The following TFCP2L1 variants were observed in gnomAD, a reference collection of about 807,000 sequenced individuals.
The protein encoded by TFCP2L1 is transcription factor CP2 like 1, also known as transcription factor CP2-like protein 1.
TFCP2L1 carries 12 observed loss-of-function variants against 72.2 expected under a neutral mutation model. The observed-to-expected ratio is 0.17, with a 90% CI of 0.11 to 0.27. The LOEUF is 0.27. Ranked by LOEUF, TFCP2L1 falls within the 10% of genes least tolerant of loss-of-function variation. The pLI, the probability that TFCP2L1 is intolerant of heterozygous loss-of-function variation, is 1.00. For missense variants in TFCP2L1, 488 were observed against 624.6 expected, an observed-to-expected ratio of 0.78 and a Z score of 2.33; for synonymous variants, 260 against 251.0, an observed-to-expected ratio of 1.04 and a Z score of -0.34.
intron 6 of TFCP2L1, 61 bp from the exon 7 acceptor site, chr2:121,242,530 C>T: frequency 1.3e-6 from 2 of 1,529,194 alleles, no homozygotes; most frequent in Non-Finnish European, 1.8e-6. Flanking sequence ...GCCCCCAAGC[C>T]CTCTCCTGCT....
At chr2:121,264,530 G>A (rs1686890925) in intron 2 of TFCP2L1, among the ~76,000 whole-genome samples, 1 of 152,158 alleles carries the variant, frequency 6.6e-6, no homozygotes, top group Non-Finnish European at 1.5e-5. Flanking sequence ...GAATCAGGAG[G>A]GGAATGAGAG....
intron 11 of TFCP2L1, among the ~76,000 whole-genome samples, chr2:121,234,548 T>G (rs3768903): frequency 3.9e-5 from 6 of 152,044 alleles, no homozygotes; most frequent in African/African-American, 1.4e-4. Context: ...CATTCCACAG[T>G]TGAGCAAACT....
At chr2:121,239,022 C>T (rs1328271040) in intron 8 of TFCP2L1, among the ~76,000 whole-genome samples, 3 of 152,138 alleles carry the variant, frequency 2.0e-5, no homozygotes, top group African/African-American at 7.2e-5. Flanking sequence ...GCTGTGCAGC[C>T]CACAACACTC....
rs1357883946 is a variant in TFCP2L1 at position 121,284,939 on chromosome 2, G to A, written c.62+109C>T. The A allele has an allele frequency of 5.1e-6, 5 of 973,732 alleles. No individual in the cohort carries two copies. The African/African-American group carries it at 7.0e-5, about 14-fold the overall frequency. 60.3% of individuals were successfully genotyped at this position (973,732 alleles called of 1,614,324 possible). On this transcript the variant is annotated intron_variant, in intron 1 of 14. Transcript: ENST00000263707. ...TCTCAGTCCCCAGAGGGCGGACAGCGGGGAGGCCAGGGCCCAGCAGGGGCG... is the reference window on the plus strand; with the variant it reads ...TCTCAGTCCCCAGAGGGCGGACAGCAGGGAGGCCAGGGCCCAGCAGGGGCG...
Position 121,284,643 on chromosome 2 carries a change from G to A in TFCP2L1, c.62+405C>T, listed in dbSNP as rs531697286. ...CGGCGGAGACGGGCAAAGAGCAGGG[G>A]ACGAACTTCCCCGGGCCGGGCACCA... is the stretch of plus-strand genomic sequence containing the variant. On this transcript the variant is annotated intron_variant, in intron 1 of 14. Coordinates refer to ENST00000263707, the MANE Select transcript of TFCP2L1 (RefSeq NM_014553.3). Among the ~76,000 whole-genome samples, 704 of 152,344 alleles carry A rather than the reference G, an allele frequency of 4.6e-3. 3 individuals carry two copies. Among genetic ancestry groups the A allele is most frequent in the African/African-American group, 0.016 (657 of 41,588 alleles).
At position 121,285,024 on chromosome 2, in the gene TFCP2L1, GC is replaced by G; in HGVS notation, c.62+23del. On this transcript the variant is annotated intron_variant, in intron 1 of 14. Transcript: ENST00000263707. ...GGCCCGCCGGCCCGGCCCGAGACCCGCGGGGACCGCGCGCGGCCCTTACCGC... is the reference window on the plus strand; with the variant it reads ...GGCCCGCCGGCCCGGCCCGAGACCCGGGGGACCGCGCGCGGCCCTTACCGC... 6.1e-6 allele frequency: 9 copies of G among 1,474,418 alleles called. 1 individual carries two copies. In the Middle Eastern group the frequency reaches 1.7e-3, roughly 279 times the overall value. The allele number at this position is 1,474,418 out of a possible 1,614,324, so 91.3% of individuals were successfully genotyped here.
At chr2:121,238,548 A>G (rs1166352813) in intron 8 of TFCP2L1, among the ~76,000 whole-genome samples, 1 of 152,132 alleles carries the variant, frequency 6.6e-6, no homozygotes, top group Non-Finnish European at 1.5e-5. Context: ...TGTGTTATGT[A>G]TATTTCTCCA....
rs1685932322 is a variant in TFCP2L1 at position 121,221,697 on chromosome 2, T to C, written c.*2644A>G. On this transcript the variant is annotated 3_prime_UTR_variant, in exon 15 of 15. Transcript: ENST00000263707. ...ATCTTCTTGACCTTGGATTAGGCAA[T>C]GGTTTTCTAGATATGGCACCAAAAG... The C allele has an allele frequency of 6.6e-6, 1 of 152,146 alleles. No homozygotes were observed. Among genetic ancestry groups the C allele is most frequent in the Non-Finnish European group, 1.5e-5 (1 of 68,044 alleles). The allele number at this position is 152,146 out of a possible 1,614,324, so 9.4% of individuals were successfully genotyped here.
chr2:121,229,936 C>T (rs1430562922), intron 13 of TFCP2L1, among the ~76,000 whole-genome samples: 2 of 152,170 alleles, frequency 1.3e-5, no homozygotes, highest in Non-Finnish European at 2.9e-5. Flanking sequence ...GGCAGCATCA[C>T]CAGCAAAGGC....
intron 9 of TFCP2L1, 30 bp downstream of exon 9, chr2:121,237,772 C>A (rs769182048): frequency 1.9e-6 from 3 of 1,614,022 alleles, no homozygotes; most frequent in Non-Finnish European, 2.5e-6. Context: ...CGAGGGACCA[C>A]CAGCCAGAAA....
intron 1 of TFCP2L1, among the ~76,000 whole-genome samples, chr2:121,281,937 GC>G (rs1368539606): frequency 2.6e-4 from 38 of 147,010 alleles, no homozygotes; most frequent in African/African-American, 5.0e-4. Flanking sequence ...TTTTTTTTGG[GC>G]GGGGGCGGGG....
At chr2:121,242,273 G>T in intron 7 of TFCP2L1, 86 bp downstream of exon 7, 1 of 1,184,640 alleles carries the variant, frequency 8.4e-7, no homozygotes, top group Non-Finnish European at 1.3e-6. Flanking sequence ...CACCCGAGAT[G>T]GGCGATTTTC....
chr2:121,229,428 A>T (rs1193996072), intron 13 of TFCP2L1, among the ~76,000 whole-genome samples: 1 of 152,232 alleles, frequency 6.6e-6, no homozygotes, highest in Non-Finnish European at 1.5e-5. Flanking sequence ...TGTGAAAGAC[A>T]GGGAACATCC....
chr2:121,258,130 C>T (rs1276773368), intron 2 of TFCP2L1, among the ~76,000 whole-genome samples: 2 of 152,168 alleles, frequency 1.3e-5, no homozygotes, highest in Non-Finnish European at 2.9e-5. Context: ...TAAAGAAATG[C>T]CAAATGAAAA....
intron 2 of TFCP2L1, among the ~76,000 whole-genome samples, chr2:121,270,270 C>A (rs1687019671): frequency 6.6e-6 from 1 of 152,180 alleles, no homozygotes; most frequent in African/African-American, 2.4e-5. Context: ...CTAGGCCTCG[C>A]AGTGAACAAG....
chr2:121,249,031 CT>C lies in TFCP2L1; in HGVS notation c.347del (p.Gln116ArgfsTer35). Reference protein sequence around the residue: ...DRRLQYTEHQQLEGWRWSRPG... With the variant: ...DRRLQYTEHQXLEGWRWSRPG... ...GCCGACTCCACCGCCAGCCCTCCAG[CT>C]GCTGGTGCTCCGTATACTGCAGCCG... On this transcript the variant is annotated frameshift_variant, in exon 4 of 15. Transcript: ENST00000263707. LOFTEE classifies it high-confidence loss of function. 6.2e-7 allele frequency: 1 copy of C among 1,605,332 alleles called. No homozygotes were observed. Among genetic ancestry groups the C allele is most frequent in the Non-Finnish European group, 8.5e-7 (1 of 1,176,358 alleles).
chr2:121,275,398 C>CAAAAAAAAAAAAAAAAAAAAAAAAAA (rs575514638), intron 2 of TFCP2L1, among the ~76,000 whole-genome samples: 3 of 65,740 alleles, frequency 4.6e-5, no homozygotes, highest in Non-Finnish European at 7.7e-5. Context: ...GACTCCATCT[C>CAAAAAAAAAAAAAAAAAAAAAAAAAA]AAAAAAAAAA....
chr2:121,244,083 G>A (rs1005750885), intron 6 of TFCP2L1, among the ~76,000 whole-genome samples: 6 of 152,064 alleles, frequency 3.9e-5, no homozygotes, highest in South Asian at 4.2e-4. Context: ...ATACCCCCAC[G>A]ACCTGGCTTC....
chr2:121,250,742 G>A (rs1686592319), intron 2 of TFCP2L1, among the ~76,000 whole-genome samples: 2 of 151,204 alleles, frequency 1.3e-5, no homozygotes, highest in Admixed American at 1.3e-4. Flanking sequence ...GAGTAGCTGA[G>A]ATTACAGGCG....
Sources: allele counts gnomAD v4.1 joint callset (sites outside exome capture counted in the v4.1 genomes callset), GRCh38; gene constraint gnomAD v4.1.1; transcripts MANE v1.5; gene names NCBI Gene and HGNC (gene_info 2026-07-23, HGNC 2026-07-21).